Variants in ANKS1B observed in about 807,000 individuals in gnomAD.
The protein encoded by ANKS1B is ankyrin repeat and sterile alpha motif domain-containing protein 1B.
A neutral mutation model predicts 148.3 loss-of-function variants in ANKS1B; 36 were observed. The observed-to-expected ratio is 0.24, with a 90% CI of 0.19 to 0.32. ANKS1B has a LOEUF of 0.32. ANKS1B is among the 10% of genes least tolerant of loss of function. The probability of loss-of-function intolerance (pLI) is 1.00; values close to 1 mark genes in which losing one functional copy is unlikely to be tolerated. For missense variants in ANKS1B, 1,157 were observed against 1,542.6 expected (o/e 0.75, Z 4.19); for synonymous variants, 542 against 560.8 (o/e 0.97, Z 0.47).
intron 8 of ANKS1B, among the ~76,000 whole-genome samples, chr12:99,711,336 T>C (rs919908507): frequency 3.3e-5 from 5 of 152,130 alleles, no homozygotes; most frequent in Non-Finnish European, 7.4e-5. Flanking sequence ...GTTTGTTATA[T>C]AGGTAAATTT....
At chr12:99,217,240 C>T (rs1008895729) in intron 14 of ANKS1B, among the ~76,000 whole-genome samples, 3 of 151,988 alleles carry the variant, frequency 2.0e-5, no homozygotes, top group Non-Finnish European at 4.4e-5. Flanking sequence ...TTCACTCCTC[C>T]CCCTGAACAA....
At chr12:99,185,961 C>G (rs893813945) in intron 14 of ANKS1B, among the ~76,000 whole-genome samples, 2 of 152,176 alleles carry the variant, frequency 1.3e-5, no homozygotes, top group Non-Finnish European at 2.9e-5. Context: ...GATCCCACCC[C>G]CACAGAGCCC....
chr12:99,440,688 C>T (rs952104833), intron 11 of ANKS1B, among the ~76,000 whole-genome samples: 1 of 151,710 alleles, frequency 6.6e-6, no homozygotes, highest in African/African-American at 2.4e-5. Context: ...ACTGGGAAGC[C>T]GGCAGCTTCC....
chr12:99,386,951 T>C (rs1370369977), intron 12 of ANKS1B, among the ~76,000 whole-genome samples: 3 of 152,236 alleles, frequency 2.0e-5, no homozygotes, highest in Non-Finnish European at 4.4e-5. Context: ...AAATATTCTT[T>C]CAGTGATTCA....
chr12:98,909,863 T>C (rs1245500942), intron 17 of ANKS1B, among the ~76,000 whole-genome samples: 3 of 152,216 alleles, frequency 2.0e-5, no homozygotes, highest in East Asian at 1.9e-4. Flanking sequence ...ACATGAATAA[T>C]TGGCTACAGC....
intron 12 of ANKS1B, among the ~76,000 whole-genome samples, chr12:99,309,696 A>G (rs560629475): frequency 7.2e-5 from 11 of 152,252 alleles, no homozygotes; most frequent in African/African-American, 2.6e-4. Flanking sequence ...TTTCAGGACA[A>G]TCACTGAAGT....
intron 19 of ANKS1B, among the ~76,000 whole-genome samples, chr12:98,809,305 T>C (rs1196755992): frequency 6.6e-6 from 1 of 152,232 alleles, no homozygotes; most frequent in Non-Finnish European, 1.5e-5. Context: ...CCATTCACTC[T>C]GTTGGCCTTG....
chr12:99,393,123 T>C (rs555631724), intron 12 of ANKS1B, among the ~76,000 whole-genome samples: 10 of 145,660 alleles, frequency 6.9e-5, no homozygotes, highest in African/African-American at 1.8e-4. Flanking sequence ...GATAGATAGA[T>C]AGATAGACAG....
rs555239988 is a variant in ANKS1B at position 98,970,716 on chromosome 12, T to C, written c.2778+82441A>G. Among the ~76,000 whole-genome samples the C allele has an allele frequency of 5.3e-5, 8 of 152,332 alleles. No individual in the cohort carries two copies. The South Asian group carries it at 6.2e-4, about 12-fold the overall frequency. On this transcript the variant is annotated intron_variant, in intron 17 of 26. Coordinates refer to ENST00000683438, the MANE Select transcript of ANKS1B (RefSeq NM_001352186.2). ...ACAGAGGAGATGCCCAATAAGTTTATATGAAATGGCTTAGAATGGACTACC... is the reference window on the plus strand; with the variant it reads ...ACAGAGGAGATGCCCAATAAGTTTACATGAAATGGCTTAGAATGGACTACC...
chr12:99,960,211 G>T (rs1435796790), intron 1 of ANKS1B, among the ~76,000 whole-genome samples: 5 of 152,168 alleles, frequency 3.3e-5, no homozygotes, highest in African/African-American at 1.2e-4. Context: ...TATATAAAAA[G>T]CTCTAAAAGC....
chr12:99,885,346 G>A (rs1256656401), intron 1 of ANKS1B, among the ~76,000 whole-genome samples: 1 of 148,238 alleles, frequency 6.7e-6, no homozygotes, highest in African/African-American at 2.5e-5. Context: ...AGTCACCCAG[G>A]CTGGAGTGCA....
At chr12:99,453,508 G>T (rs2095794001) in intron 10 of ANKS1B, among the ~76,000 whole-genome samples, 1 of 152,098 alleles carries the variant, frequency 6.6e-6, no homozygotes, top group Non-Finnish European at 1.5e-5. Context: ...ACCAGAAACT[G>T]AACCTTGTTA....
chr12:99,639,026 T>C (rs761399719), intron 9 of ANKS1B, among the ~76,000 whole-genome samples: 2 of 152,150 alleles, frequency 1.3e-5, no homozygotes, highest in Non-Finnish European at 2.9e-5. Flanking sequence ...AGAGGATGCA[T>C]GGAAATGCCT....
chr12:98,801,140 T>C lies in ANKS1B; in HGVS notation c.3142-15A>G, dbSNP rs753108992. On this transcript the variant is annotated splice_polypyrimidine_tract_variant and intron_variant, in intron 20 of 26. Coordinates refer to ENST00000683438, the MANE Select transcript of ANKS1B (RefSeq NM_001352186.2). The surrounding 1 kb of genome is among the most constrained non-coding windows in gnomAD (Gnocchi z 5.2). ...CAGTCTCCTGTCTGAAAATGACATT[T>C]ATTCTAGAGGCAATATGAGCAGTCA... The C allele has an allele frequency of 6.2e-7, 1 of 1,610,802 alleles. No individual in the cohort carries two copies. The highest frequency in any genetic ancestry group is 8.5e-7 in the Non-Finnish European group (1 of 1,178,352).
At chr12:99,276,724 C>T (rs958674008) in intron 12 of ANKS1B, among the ~76,000 whole-genome samples, 13 of 152,216 alleles carry the variant, frequency 8.5e-5, no homozygotes, top group Non-Finnish European at 1.9e-4. Context: ...ATAAAACCTT[C>T]TTCTGACGAT....
At chr12:99,461,404 C>T (rs1229585963) in intron 10 of ANKS1B, among the ~76,000 whole-genome samples, 1 of 151,804 alleles carries the variant, frequency 6.6e-6, no homozygotes, top group Non-Finnish European at 1.5e-5. Context: ...CAAATACGAA[C>T]TGTTTCCTAA....
At position 99,607,496 on chromosome 12, in the gene ANKS1B, G is replaced by A. The variant is rs184187136; in HGVS notation, c.1272+47571C>T. On this transcript the variant is annotated intron_variant, in intron 9 of 26. Transcript: ENST00000683438. ...AACACCTAGCAGAGGTAACATACCT[G>A]TTTGATCAGCAAACACAGGCAAAAA... 1.9e-3 allele frequency among the ~76,000 whole-genome samples: 287 copies of A among 151,904 alleles called. 3 individuals are homozygous for A. Among genetic ancestry groups the A allele is most frequent in the Non-Finnish European group, 3.2e-3 (217 of 67,980 alleles).
chr12:99,568,038 CT>C (rs1418272781), intron 9 of ANKS1B, among the ~76,000 whole-genome samples: 2 of 152,106 alleles, frequency 1.3e-5, no homozygotes, highest in East Asian at 3.9e-4. Flanking sequence ...GATTACAGTC[CT>C]GTTGTATTAG....
chr12:99,142,939 C>T (rs1028005622), intron 15 of ANKS1B, among the ~76,000 whole-genome samples: 1 of 152,130 alleles, frequency 6.6e-6, no homozygotes, highest in African/African-American at 2.4e-5. Flanking sequence ...TATTGTTATA[C>T]AGGCCTGATG....
Sources: gnomAD v4.1 joint callset for allele counts (sites outside exome capture counted in the v4.1 genomes callset) on GRCh38, gnomAD v4.1.1 for gene constraint, Gnocchi (gnomAD v3.1) non-coding constraint, MANE v1.5 for transcripts, NCBI Gene and HGNC (gene_info 2026-07-23, HGNC 2026-07-21) for gene names.